The following TMF1 variants were observed in gnomAD, a reference collection of about 807,000 sequenced individuals.
TMF1 encodes TATA element modulatory factor 1, also known as TATA element modulatory factor.
A neutral mutation model predicts 126.5 loss-of-function variants in TMF1; 71 were observed. The ratio of observed to expected loss-of-function variants is 0.56; its 90% CI spans 0.46 to 0.68. The LOEUF (loss-of-function observed/expected upper bound fraction) is 0.68, where lower values mean the gene tolerates loss of function less well. TMF1 is among the 30% of genes least tolerant of loss of function. TMF1 has a pLI of 0.00. For missense variants in TMF1, 1,259 were observed against 1,253.2 expected, an observed-to-expected ratio of 1.00 and a Z score of -0.07; for synonymous variants, 461 against 430.5, an observed-to-expected ratio of 1.07 and a Z score of -0.88.
Position 69,050,419 on chromosome 3 carries a change from T to C in TMF1, c.142+1526A>G, listed in dbSNP as rs138896543. 4.2e-4 allele frequency among the ~76,000 whole-genome samples: 64 copies of C among 152,254 alleles called. No homozygotes were observed. In the East Asian group the frequency reaches 0.011, roughly 26 times the overall value. On this transcript the variant is annotated intron_variant, in intron 1 of 16. Coordinates refer to ENST00000398559, the MANE Select transcript of TMF1 (RefSeq NM_007114.3). Reference sequence around the variant, plus strand: ...CAAACCAGAGAAAATCAAAATTAAATATGCAAATGAACAACCAAGATTATG... The same window carrying C: ...CAAACCAGAGAAAATCAAAATTAAACATGCAAATGAACAACCAAGATTATG...
At chr3:69,049,109 G>A (rs949078810) in intron 1 of TMF1, 7 of 153,270 alleles carry the variant, frequency 4.6e-5, no homozygotes, top group African/African-American at 1.7e-4. Context: ...GAACTCAGTG[G>A]GTATGGAGGT....
At chr3:69,030,535 C>G (rs1026295239) in intron 10 of TMF1, 1 of 152,124 alleles carries the variant, frequency 6.6e-6, no homozygotes, top group African/African-American at 2.4e-5. Flanking sequence ...AAAAGGCAAA[C>G]TACAGAGTGA....
rs752114256 is a variant in TMF1, at chr3:69,052,252, G to T, written c.-166C>A. ...CCCGCGAGCCCGGGATGTTACCCTC[G>T]GCCGTTCCCGCACAGCTGAGACGAA... On this transcript the variant is annotated 5_prime_UTR_variant, in exon 1 of 17. Coordinates refer to ENST00000398559, the MANE Select transcript of TMF1 (RefSeq NM_007114.3). 2 of 701,668 alleles carry T rather than the reference G, an allele frequency of 2.9e-6. No homozygotes were observed. The highest frequency in any genetic ancestry group is 2.2e-6 in the Non-Finnish European group (1 of 450,068). 43.5% of individuals were successfully genotyped at this position (701,668 alleles called of 1,614,324 possible). A position where few individuals can be genotyped will look rare whatever the true frequency, so the allele number is the denominator to read the frequency against.
intron 8 of TMF1, among the ~76,000 whole-genome samples, chr3:69,035,942 C>G (rs992870132): frequency 3.3e-5 from 5 of 151,966 alleles, no homozygotes; most frequent in African/African-American, 9.7e-5. Context: ...ATCTCCCATT[C>G]CCCCAATTTT....
At chr3:69,042,501 G>A in intron 5 of TMF1, 1 of 513,022 alleles carries the variant, frequency 1.9e-6, no homozygotes. Flanking sequence ...CACTTTGAAT[G>A]TCTTGGTTTA....
chr3:69,047,107 T>G (rs921883634), intron 2 of TMF1, among the ~76,000 whole-genome samples: 1 of 152,154 alleles, frequency 6.6e-6, no homozygotes, highest in Non-Finnish European at 1.5e-5. Context: ...AAAATAAAGA[T>G]GTAAGATGAA....
At position 69,047,590 on chromosome 3, in the gene TMF1, G is replaced by T; in HGVS notation, c.1115C>A (p.Ser372Tyr). The T allele has an allele frequency of 6.2e-7, 1 of 1,614,112 alleles. No homozygotes were observed. Among genetic ancestry groups the T allele is most frequent in the Non-Finnish European group, 8.5e-7 (1 of 1,180,032 alleles). Residue 372 changes from serine (S) to tyrosine (Y), a missense_variant, in exon 2 of 17, where the codon TCT becomes TAT. By Grantham distance (144) the Ser-to-Tyr change is moderately radical (BLOSUM62 -2). Transcript: ENST00000398559. ...TACTTCTTCAGATTTTCCTTCAGCA[G>T]ATTCAACTGTTTTAGACTTTGGAGT... ...SSTPKSKTVE[S>Y]AEGKSEEVNE... is the part of the protein sequence containing the mutation.
At chr3:69,034,406 G>C (rs1341810122) in intron 9 of TMF1, among the ~76,000 whole-genome samples, 2 of 152,294 alleles carry the variant, frequency 1.3e-5, no homozygotes, top group South Asian at 4.1e-4. Flanking sequence ...CCAGGAGGCA[G>C]AGGGTGCAGT....
chr3:69,028,080 A>G, intron 12 of TMF1, 88 bp from the exon 13 acceptor site: 1 of 1,112,358 alleles, frequency 9.0e-7, no homozygotes, highest in Non-Finnish European at 1.3e-6. Context: ...CATAAAGTAT[A>G]AACTCATATT....
chr3:69,026,258 T>A (rs944098846), intron 13 of TMF1, among the ~76,000 whole-genome samples, 161 bp from the exon 14 acceptor site: 2 of 152,202 alleles, frequency 1.3e-5, no homozygotes, highest in African/African-American at 4.8e-5. Flanking sequence ...AAAACTTTTT[T>A]AAGATTCATT....
intron 10 of TMF1, 72 bp downstream of exon 10, chr3:69,033,476 C>A: frequency 6.8e-7 from 1 of 1,466,112 alleles, no homozygotes; most frequent in Non-Finnish European, 9.1e-7. Context: ...ATTTCAATTT[C>A]ATACCATTAT....
At chr3:69,027,830 A>G in intron 13 of TMF1, 70 bp downstream of exon 13, 1 of 784,750 alleles carries the variant, frequency 1.3e-6, no homozygotes, top group Non-Finnish European at 2.0e-6. Flanking sequence ...GCTAAAATTA[A>G]AAAGCAATGA....
chr3:69,045,569 C>T (rs2091891004), intron 2 of TMF1, among the ~76,000 whole-genome samples: 3 of 152,212 alleles, frequency 2.0e-5, no homozygotes, highest in South Asian at 2.1e-4. Context: ...CACTTGAGGT[C>T]AGGAGTTCAA....
chr3:69,039,091 A>C, intron 6 of TMF1, 82 bp from the exon 7 acceptor site: 1 of 1,083,604 alleles, frequency 9.2e-7, no homozygotes, highest in Non-Finnish European at 1.3e-6. Flanking sequence ...ATCTATAATA[A>C]TGGAGAAAAA....
chr3:69,044,211 T>TG (rs1291104968), intron 3 of TMF1, among the ~76,000 whole-genome samples: 1 of 152,162 alleles, frequency 6.6e-6, no homozygotes, highest in Non-Finnish European at 1.5e-5. Flanking sequence ...TGTTATTGAT[T>TG]AACACAGTTT....
chr3:69,045,303 C>T (rs2091889577), intron 2 of TMF1, among the ~76,000 whole-genome samples: 1 of 151,526 alleles, frequency 6.6e-6, no homozygotes, highest in African/African-American at 2.4e-5. Context: ...ACTGAAAATA[C>T]AAAAATTAGC....
At chr3:69,046,733 T>A (rs2091897905) in intron 2 of TMF1, among the ~76,000 whole-genome samples, 1 of 152,192 alleles carries the variant, frequency 6.6e-6, no homozygotes, top group Non-Finnish European at 1.5e-5. Flanking sequence ...TAAGCAATGC[T>A]TTTGTTCCTT....
chr3:69,043,991 T>C (rs1285658141), intron 3 of TMF1, 115 bp from the exon 4 acceptor site: 8 of 795,814 alleles, frequency 1.0e-5, no homozygotes, highest in South Asian at 6.9e-5. Context: ...CTTATTAAAA[T>C]AGAACAGTTT....
chr3:69,026,070 T>G lies in TMF1; in HGVS notation c.2785A>C (p.Thr929Pro). The G allele has an allele frequency of 6.2e-7, 1 of 1,613,694 alleles. No homozygotes were observed. Among genetic ancestry groups the G allele is most frequent in the Non-Finnish European group, 8.5e-7 (1 of 1,179,888 alleles). Residue 929 changes from threonine to proline, a missense_variant, in exon 14 of 17, where the codon ACT (threonine) becomes CCT (proline). Physicochemically the swap from Thr to Pro is conservative, Grantham distance 38. Coordinates refer to ENST00000398559, the MANE Select transcript of TMF1 (RefSeq NM_007114.3). The stretch of plus-strand genomic sequence containing the variant: ...GAACTTGAGCGTGACATGGTGGGAG[T>G]GCTAGAAACAGAAAATGGCTTGCGT... Reference protein sequence around the residue: ...KERKPFSVSSTPTMSRSSSIS... With the variant: ...KERKPFSVSSPPTMSRSSSIS...
Sources: allele counts gnomAD v4.1 joint callset (sites outside exome capture counted in the v4.1 genomes callset), GRCh38; gene constraint gnomAD v4.1.1; transcripts MANE v1.5; gene names NCBI Gene and HGNC (gene_info 2026-07-23, HGNC 2026-07-21).